The following MYO3B variants were observed in gnomAD, a reference collection of about 807,000 sequenced individuals.
MYO3B encodes the protein myosin IIIB.
A neutral mutation model predicts 174.6 loss-of-function variants in MYO3B; 156 were observed. The ratio of observed to expected loss-of-function variants is 0.89; its 90% CI spans 0.78 to 1.02. The LOEUF is 1.02. Among genes scored for constraint, MYO3B ranks in the 50% least tolerant of loss-of-function variants. MYO3B has a pLI of 0.00. For synonymous variants in MYO3B, 563 were observed against 569.1 expected (o/e 0.99, Z 0.15); for missense variants, 1,632 against 1,639.4 (o/e 1.00, Z 0.08).
chr2:170,619,428 T>C (rs1013680834), intron 32 of MYO3B, among the ~76,000 whole-genome samples: 2 of 152,200 alleles, frequency 1.3e-5, no homozygotes, highest in Non-Finnish European at 2.9e-5. Flanking sequence ...TCCGTAGCAA[T>C]AGTTTCAGGG....
At chr2:170,487,636 A>C (rs1686151762) in intron 25 of MYO3B, among the ~76,000 whole-genome samples, 1 of 152,216 alleles carries the variant, frequency 6.6e-6, no homozygotes, top group Non-Finnish European at 1.5e-5. Context: ...ATTAGCCTTG[A>C]GATAAATTTT....
intron 9 of MYO3B, among the ~76,000 whole-genome samples, chr2:170,376,973 A>C (rs189393046): frequency 4.5e-4 from 69 of 152,348 alleles, no homozygotes; most frequent in African/African-American, 1.2e-3. Flanking sequence ...GAGTGAAAGG[A>C]AGAGCGTATC....
At chr2:170,290,383 C>A (rs757214814) in intron 7 of MYO3B, among the ~76,000 whole-genome samples, 2 of 152,108 alleles carry the variant, frequency 1.3e-5, no homozygotes, top group African/African-American at 2.4e-5. Flanking sequence ...TATATACTTA[C>A]AATTGTTATA....
At chr2:170,430,798 A>G (rs1426777927) in intron 22 of MYO3B, among the ~76,000 whole-genome samples, 11 of 152,230 alleles carry the variant, frequency 7.2e-5, no homozygotes, top group Non-Finnish European at 8.8e-5. Flanking sequence ...CAAAAACAAA[A>G]GGAGATTTGA....
At position 170,479,176 on chromosome 2, in the gene MYO3B, C is replaced by T. The variant is rs1355724399; in HGVS notation, c.3014+12465C>T. On this transcript the variant is annotated intron_variant, in intron 25 of 34. Coordinates refer to ENST00000408978, the MANE Select transcript of MYO3B (RefSeq NM_138995.5). ...GCACATGCCTGTAATCTCAGCTACT[C>T]GGGAGGCTGAGGCAGGAGAATTGCT... is the stretch of plus-strand genomic sequence containing the variant. 2.7e-5 allele frequency among the ~76,000 whole-genome samples: 4 copies of T among 150,038 alleles called. No individual in the cohort carries two copies. The South Asian group carries it at 6.3e-4, about 24-fold the overall frequency.
chr2:170,549,503 T>C (rs1690745644), intron 32 of MYO3B, among the ~76,000 whole-genome samples: 2 of 152,236 alleles, frequency 1.3e-5, no homozygotes, highest in South Asian at 4.1e-4. Flanking sequence ...GCTTCTTTAA[T>C]GCCATCTACT....
intron 17 of MYO3B, among the ~76,000 whole-genome samples, 162 bp downstream of exon 17, chr2:170,400,476 G>A (rs993983541): frequency 6.9e-6 from 1 of 144,680 alleles, no homozygotes; most frequent in East Asian, 2.1e-4. Flanking sequence ...TGCAATCTCC[G>A]CTCACTGCAA....
chr2:170,352,639 A>G (rs1332028304), intron 8 of MYO3B, among the ~76,000 whole-genome samples: 3 of 152,172 alleles, frequency 2.0e-5, no homozygotes, highest in Non-Finnish European at 4.4e-5. Context: ...ACTCGTTTTC[A>G]TGGTGTAAAT....
chr2:170,446,698 C>T (rs938521608), intron 23 of MYO3B, among the ~76,000 whole-genome samples: 3 of 152,118 alleles, frequency 2.0e-5, no homozygotes, highest in Admixed American at 1.3e-4. Flanking sequence ...GGATAAAGCT[C>T]GGCTCTGTAA....
chr2:170,452,701 A>G (rs554334080), intron 23 of MYO3B, among the ~76,000 whole-genome samples: 3 of 152,360 alleles, frequency 2.0e-5, no homozygotes, highest in South Asian at 4.1e-4. Flanking sequence ...CCATGGATGC[A>G]TAAAGTGTCT....
At chr2:170,405,010 T>C (rs796619519) in intron 20 of MYO3B, among the ~76,000 whole-genome samples, 1 of 152,234 alleles carries the variant, frequency 6.6e-6, no homozygotes, top group Non-Finnish European at 1.5e-5. Context: ...CTTGGGGCAA[T>C]GAAGCCTCAG....
chr2:170,542,799 C>A, intron 30 of MYO3B, 107 bp from the exon 31 acceptor site: 2 of 829,892 alleles, frequency 2.4e-6, no homozygotes, highest in Non-Finnish European at 1.8e-6. Context: ...ACCATGGAAG[C>A]ATAAAAAGTA....
At chr2:170,483,829 C>T (rs890142194) in intron 25 of MYO3B, among the ~76,000 whole-genome samples, 4 of 152,132 alleles carry the variant, frequency 2.6e-5, no homozygotes, top group African/African-American at 7.2e-5. Flanking sequence ...ACTCTTCAAC[C>T]CTAGCTGCAG....
chr2:170,446,017 T>G lies in MYO3B; in HGVS notation c.2730+1971T>G, dbSNP rs527869489. Reference sequence around the variant, plus strand: ...AAATCACAAAAATGCAAAAAAAAAATGTGGTACTTAAACAGACCTCAAAAA... The same window carrying G: ...AAATCACAAAAATGCAAAAAAAAAAGGTGGTACTTAAACAGACCTCAAAAA... On this transcript the variant is annotated intron_variant, in intron 23 of 34. Coordinates refer to ENST00000408978, the MANE Select transcript of MYO3B (RefSeq NM_138995.5). Among the ~76,000 whole-genome samples the G allele has an allele frequency of 4.3e-3, 652 of 151,434 alleles. 4 individuals carry two copies. The highest frequency in any genetic ancestry group is 0.015 in the African/African-American group (637 of 41,172).
chr2:170,247,713 G>A (rs1249347964), intron 7 of MYO3B, among the ~76,000 whole-genome samples: 1 of 152,190 alleles, frequency 6.6e-6, no homozygotes, highest in Non-Finnish European at 1.5e-5. Flanking sequence ...GCTTCTTGCT[G>A]TGTCTTCACA....
rs55913448 is a variant in MYO3B, at chr2:170,474,743, CAAAAAAAAAAAAAAAAAAAA to C, written c.3014+8054_3014+8073del. 1.3e-3 allele frequency among the ~76,000 whole-genome samples: 48 copies of C among 37,586 alleles called. 1 individual carries two copies. The highest frequency in any genetic ancestry group is 1.5e-3 in the Non-Finnish European group (30 of 19,618). 24.7% of individuals were successfully genotyped at this position (37,586 alleles called of 152,430 possible). A position where few individuals can be genotyped will look rare whatever the true frequency, so the allele number is the denominator to read the frequency against. ...GGGTGACAAGAGTGAAACTCCGTCTCAAAAAAAAAAAAAAAAAAAAAAAAAAAAAAAAAAAAAAAAAGATA... is the reference window on the plus strand; with the variant it reads ...GGGTGACAAGAGTGAAACTCCGTCTCAAAAAAAAAAAAAAAAAAAAAGATA... On this transcript the variant is annotated intron_variant, in intron 25 of 34. Transcript: ENST00000408978.
chr2:170,511,641 A>G (rs1465587441), intron 28 of MYO3B, among the ~76,000 whole-genome samples: 2 of 152,214 alleles, frequency 1.3e-5, no homozygotes, highest in Non-Finnish European at 2.9e-5. Flanking sequence ...AGGAAATCTC[A>G]TATAATCCAG....
intron 1 of MYO3B, among the ~76,000 whole-genome samples, chr2:170,182,758 C>T (rs1049363813): frequency 9.2e-5 from 14 of 151,612 alleles, no homozygotes; most frequent in African/African-American, 2.2e-4. Context: ...ATTACAGGCA[C>T]CTGCACCACA....
At chr2:170,393,737 A>G (rs1372747034) in intron 16 of MYO3B, among the ~76,000 whole-genome samples, 2 of 152,042 alleles carry the variant, frequency 1.3e-5, no homozygotes, top group Non-Finnish European at 2.9e-5. Flanking sequence ...TCATAATAGT[A>G]CCTTTCTTTT....
Sources: allele counts gnomAD v4.1 joint callset (sites outside exome capture counted in the v4.1 genomes callset), GRCh38; gene constraint gnomAD v4.1.1; transcripts MANE v1.5; gene names NCBI Gene and HGNC (gene_info 2026-07-23, HGNC 2026-07-21).